The following USP32 variants were observed in gnomAD, a reference collection of about 807,000 sequenced individuals.
USP32 encodes the protein ubiquitin specific peptidase 32.
A neutral mutation model predicts 204.8 loss-of-function variants in USP32; 59 were observed. That is an observed-to-expected ratio of 0.29 (90% CI 0.23 to 0.36). USP32 has a LOEUF of 0.36. Among genes scored for constraint, USP32 ranks in the 10% least tolerant of loss-of-function variants. USP32 has a pLI of 1.00. For missense variants in USP32, 1,160 were observed against 1,946.4 expected (o/e 0.60, Z 7.60); for synonymous variants, 517 against 678.4 (o/e 0.76, Z 3.70).
At chr17:60,239,501 G>A (rs924110825) in intron 11 of USP32, among the ~76,000 whole-genome samples, 17 of 151,706 alleles carry the variant, frequency 1.1e-4, no homozygotes, top group African/African-American at 3.1e-4. Context: ...TTCATTTTTC[G>A]TCATTCTGTT....
chr17:60,418,237 C>T (rs931360785), intron 1 of USP32, among the ~76,000 whole-genome samples: 2 of 151,678 alleles, frequency 1.3e-5, no homozygotes, highest in African/African-American at 2.4e-5. Context: ...GGATTACAGG[C>T]GTGAGACCCC....
At chr17:60,265,352 A>G in intron 9 of USP32, 60 bp downstream of exon 9, 1 of 1,199,458 alleles carries the variant, frequency 8.3e-7, no homozygotes, top group Non-Finnish European at 1.2e-6. Context: ...TAAGCGATAC[A>G]TCCCAAATGG....
chr17:60,210,879 C>T, intron 21 of USP32, 134 bp downstream of exon 21: 1 of 1,403,634 alleles, frequency 7.1e-7, no homozygotes, highest in Non-Finnish European at 9.4e-7. Context: ...AAGAATTTGA[C>T]CTTTTGTTTA....
chr17:60,218,383 C>T (rs1433046333), intron 16 of USP32, among the ~76,000 whole-genome samples: 5 of 150,172 alleles, frequency 3.3e-5, no homozygotes, highest in African/African-American at 1.2e-4. Context: ...GACTCCATCT[C>T]GAAAAAAATA....
intron 2 of USP32, among the ~76,000 whole-genome samples, chr17:60,326,979 A>AT (rs35311878): frequency 0.84 from 127,964 of 152,140 alleles, 54,501 homozygotes; most frequent in East Asian, 1. Context: ...GAGGAAAGGG[A>AT]GGGGGAGGAA....
At chr17:60,361,864 G>GTATA (rs145209160) in intron 1 of USP32, among the ~76,000 whole-genome samples, 1 of 151,316 alleles carries the variant, frequency 6.6e-6, no homozygotes, top group Non-Finnish European at 1.5e-5. Flanking sequence ...AAAGATACAT[G>GTATA]TATATATATA....
At chr17:60,212,469 G>A (rs1177399974) in intron 18 of USP32, among the ~76,000 whole-genome samples, 2 of 152,114 alleles carry the variant, frequency 1.3e-5, no homozygotes, top group African/African-American at 4.8e-5. Flanking sequence ...TAAAAATACA[G>A]TATTATAATC....
Position 60,180,655 on chromosome 17 carries a change from G to A in USP32, c.4549-18C>T. 6.2e-7 allele frequency: 1 copy of A among 1,611,460 alleles called. No homozygotes were observed. Among genetic ancestry groups the A allele is most frequent in the Non-Finnish European group, 8.5e-7 (1 of 1,177,762 alleles). ...GAATGGCACTGTAAGAGATAAGAGA[G>A]TGGAGGTATGTTAGCAGTTAACTGT... On this transcript the variant is annotated intron_variant, in intron 32 of 33. Coordinates refer to ENST00000300896, the MANE Select transcript of USP32 (RefSeq NM_032582.4).
intron 30 of USP32, among the ~76,000 whole-genome samples, chr17:60,184,983 AAC>A (rs2084214179): frequency 6.6e-6 from 1 of 152,200 alleles, no homozygotes; most frequent in Non-Finnish European, 1.5e-5. Flanking sequence ...AATCTAAAAG[AAC>A]ACACAGGCCC....
intron 2 of USP32, among the ~76,000 whole-genome samples, chr17:60,331,976 C>T (rs1404923391): frequency 4.6e-5 from 7 of 151,918 alleles, no homozygotes; most frequent in Non-Finnish European, 8.8e-5. Context: ...GGCACAGTGG[C>T]TCACACCTGT....
At position 60,289,853 on chromosome 17, in the gene USP32, A is replaced by G. The variant is rs562049446; in HGVS notation, c.412-1171T>C. On this transcript the variant is annotated intron_variant, in intron 4 of 33. Coordinates refer to ENST00000300896, the MANE Select transcript of USP32 (RefSeq NM_032582.4). ...CTAATCCTAATAGACATGCTAAAGAATACGAATAATTAGTTACCTAAAAGA... is the reference window on the plus strand; with the variant it reads ...CTAATCCTAATAGACATGCTAAAGAGTACGAATAATTAGTTACCTAAAAGA... Among the ~76,000 whole-genome samples, 3 of 152,336 alleles carry G rather than the reference A, an allele frequency of 2.0e-5. No homozygotes were observed. The South Asian group carries it at 6.2e-4, about 32-fold the overall frequency.
At position 60,226,020 on chromosome 17, in the gene USP32, G is replaced by A. The variant is rs749284778; in HGVS notation, c.1432+19C>T. ...GGGGGAATAAACCAATAAACCTCAGGGGAATAGGTCATATTTACCGCTGCC... is the reference window on the plus strand; with the variant it reads ...GGGGGAATAAACCAATAAACCTCAGAGGAATAGGTCATATTTACCGCTGCC... On this transcript the variant is annotated intron_variant, in intron 13 of 33. Transcript: ENST00000300896. 2.5e-6 allele frequency: 4 copies of A among 1,577,428 alleles called. No individual in the cohort carries two copies. The South Asian group carries it at 4.8e-5, about 19-fold the overall frequency.
At chr17:60,297,880 C>A (rs1276279185) in intron 3 of USP32, among the ~76,000 whole-genome samples, 11 of 152,174 alleles carry the variant, frequency 7.2e-5, no homozygotes. Context: ...CCTACTGATT[C>A]CTGTTCCACA....
intron 12 of USP32, among the ~76,000 whole-genome samples, chr17:60,229,975 GGCTAATT>G (rs1201059032): frequency 1.3e-5 from 2 of 152,046 alleles, no homozygotes; most frequent in Non-Finnish European, 2.9e-5. Context: ...CACTGCGCCT[GGCTAATT>G]TTTGTATTTC....
chr17:60,197,558 C>T (rs1423763409), intron 27 of USP32, among the ~76,000 whole-genome samples: 2 of 152,026 alleles, frequency 1.3e-5, no homozygotes, highest in East Asian at 1.9e-4. Context: ...AAGCCAGGAT[C>T]GTGCCATTGC....
At chr17:60,238,228 CTA>C (rs536742380) in intron 11 of USP32, among the ~76,000 whole-genome samples, 1 of 152,062 alleles carries the variant, frequency 6.6e-6, no homozygotes, top group Non-Finnish European at 1.5e-5. Context: ...TTTTAGGTGT[CTA>C]TTTTTAAATT....
In USP32 at chr17:60,269,444, A is replaced by G; in HGVS notation, c.811+6T>C. On this transcript the variant is annotated splice_donor_region_variant and intron_variant, in intron 7 of 33. Coordinates refer to ENST00000300896, the MANE Select transcript of USP32 (RefSeq NM_032582.4). ...GCAATTTTTTGACAATGTTTAACAC[A>G]CTTACATTTTTGTCTTTCAGCCAGG... 4 of 1,606,248 alleles carry G rather than the reference A, an allele frequency of 2.5e-6. No individual in the cohort carries two copies. Among genetic ancestry groups the G allele is most frequent in the Non-Finnish European group, 3.4e-6 (4 of 1,176,614 alleles).
At chr17:60,184,211 A>G (rs990694301) in intron 30 of USP32, among the ~76,000 whole-genome samples, 12 of 151,252 alleles carry the variant, frequency 7.9e-5, no homozygotes, top group African/African-American at 2.9e-4. Context: ...GCTACTCAGG[A>G]GGCTGAGGCA....
intron 3 of USP32, among the ~76,000 whole-genome samples, chr17:60,297,630 G>C (rs1047403519): frequency 2.0e-5 from 3 of 151,494 alleles, no homozygotes; most frequent in Non-Finnish European, 4.4e-5. Context: ...TAGTAGAGAC[G>C]GGGTTTCACC....
Sources: gnomAD v4.1 joint callset for allele counts (sites outside exome capture counted in the v4.1 genomes callset) on GRCh38, gnomAD v4.1.1 for gene constraint, MANE v1.5 for transcripts, NCBI Gene and HGNC (gene_info 2026-07-23, HGNC 2026-07-21) for gene names.